The following PBX3 variants were observed in gnomAD, a reference collection of about 807,000 sequenced individuals.
The protein encoded by PBX3 is pre-B-cell leukemia transcription factor 3.
Under a neutral mutation model 48.5 loss-of-function variants are expected in PBX3, and 14 were observed. That is an observed-to-expected ratio of 0.29 (90% CI 0.19 to 0.45). PBX3 has a LOEUF of 0.45. PBX3 is among the 20% of genes least tolerant of loss of function. The pLI is 1.00. For missense variants in PBX3, 386 were observed against 546.7 expected (o/e 0.71, Z 2.93); for synonymous variants, 210 against 200.3 (o/e 1.05, Z -0.41).
chr9:125,921,767 G>A (rs60529395), intron 3 of PBX3, among the ~76,000 whole-genome samples: 6,125 of 152,136 alleles, frequency 0.04, 436 homozygotes, highest in African/African-American at 0.14. Context: ...TACCGTATTC[G>A]ACTAGAGTTA....
At chr9:125,890,744 G>T (rs932265878) in intron 2 of PBX3, among the ~76,000 whole-genome samples, 3 of 152,190 alleles carry the variant, frequency 2.0e-5, no homozygotes, top group Admixed American at 6.5e-5. Context: ...GAGTAGAATT[G>T]TATGTTTGCA....
At chr9:125,750,134 T>C (rs532393760) in intron 2 of PBX3, among the ~76,000 whole-genome samples, 1 of 152,368 alleles carries the variant, frequency 6.6e-6, no homozygotes, top group East Asian at 1.9e-4. Flanking sequence ...TAAATTCTGA[T>C]GCTTAGTGTC....
At chr9:125,785,219 A>T (rs575287061) in intron 2 of PBX3, among the ~76,000 whole-genome samples, 4 of 152,296 alleles carry the variant, frequency 2.6e-5, no homozygotes, top group African/African-American at 9.6e-5. Flanking sequence ...AAGGATGCCT[A>T]GATAGCTGGT....
chr9:125,759,578 A>G lies in PBX3; in HGVS notation c.274+10955A>G, dbSNP rs1836609978. 6.6e-6 allele frequency among the ~76,000 whole-genome samples: 1 copy of G among 152,222 alleles called. No homozygotes were observed. Among genetic ancestry groups the G allele is most frequent in the African/African-American group, 2.4e-5 (1 of 41,452 alleles). The stretch of plus-strand genomic sequence containing the variant: ...CTAATTGTTGATTTGGGGATTTTCT[A>G]TGAATATAGCTTCACAAAACAGATG... On this transcript the variant is annotated intron_variant, in intron 2 of 8. Transcript: ENST00000373489. This position sits in a 1 kb window ranked among gnomAD's most constrained non-coding sequence, Gnocchi z 4.2.
intron 2 of PBX3, among the ~76,000 whole-genome samples, chr9:125,816,683 T>C (rs771809532): frequency 1.3e-5 from 2 of 152,202 alleles, no homozygotes; most frequent in Non-Finnish European, 1.5e-5. Context: ...CTTTATATTA[T>C]ACTCTTTTGA....
chr9:125,837,284 A>ATTCC (rs1488095560), intron 2 of PBX3, among the ~76,000 whole-genome samples: 1 of 151,896 alleles, frequency 6.6e-6, no homozygotes, highest in Non-Finnish European at 1.5e-5. Context: ...GATGGTACAT[A>ATTCC]TATGTATTAT....
intron 2 of PBX3, among the ~76,000 whole-genome samples, chr9:125,826,164 A>G (rs555562402): frequency 1.8e-4 from 27 of 152,312 alleles, no homozygotes; most frequent in African/African-American, 6.5e-4. Context: ...TTTATTTACC[A>G]CAATCTTACC....
At chr9:125,929,624 C>A in intron 3 of PBX3, 31 bp from the exon 4 acceptor site, 1 of 1,521,690 alleles carries the variant, frequency 6.6e-7, no homozygotes. Flanking sequence ...TAGATAGTTT[C>A]CAAAGGAGTG....
At chr9:125,793,609 T>C (rs538879761) in intron 2 of PBX3, among the ~76,000 whole-genome samples, 2 of 151,608 alleles carry the variant, frequency 1.3e-5, no homozygotes, top group South Asian at 4.1e-4. Flanking sequence ...TTCATACTTT[T>C]AGTAGAGACG....
At chr9:125,775,795 C>T (rs1450876162) in intron 2 of PBX3, among the ~76,000 whole-genome samples, 1 of 152,136 alleles carries the variant, frequency 6.6e-6, no homozygotes, top group Non-Finnish European at 1.5e-5. Flanking sequence ...ATAGGAGTTG[C>T]ATTGAATTTG....
At chr9:125,816,528 A>G (rs1401835668) in intron 2 of PBX3, among the ~76,000 whole-genome samples, 1 of 152,208 alleles carries the variant, frequency 6.6e-6, no homozygotes, top group African/African-American at 2.4e-5. Context: ...TTTAGGTGGA[A>G]TGTATATTAC....
chr9:125,782,288 A>G (rs1371211980), intron 2 of PBX3, among the ~76,000 whole-genome samples: 1 of 152,146 alleles, frequency 6.6e-6, no homozygotes, highest in Non-Finnish European at 1.5e-5. Flanking sequence ...CTTGTTAACT[A>G]TCATGAGACC....
At chr9:125,875,520 G>A (rs150235522) in intron 2 of PBX3, among the ~76,000 whole-genome samples, 2 of 152,198 alleles carry the variant, frequency 1.3e-5, no homozygotes, top group East Asian at 3.9e-4. Context: ...GGAAGGGAAG[G>A]ACGTTCTACT....
At chr9:125,807,367 A>C (rs1306429570) in intron 2 of PBX3, among the ~76,000 whole-genome samples, 1 of 151,988 alleles carries the variant, frequency 6.6e-6, no homozygotes, top group Non-Finnish European at 1.5e-5. Context: ...TAACAGAAGG[A>C]GTGGTACAAC....
intron 2 of PBX3, among the ~76,000 whole-genome samples, chr9:125,778,550 C>T (rs977399895): frequency 6.6e-6 from 1 of 152,004 alleles, no homozygotes; most frequent in Admixed American, 6.5e-5. Flanking sequence ...AGCCACTGCG[C>T]CCGGCCTTTT....
At chr9:125,807,622 G>A (rs979019835) in intron 2 of PBX3, among the ~76,000 whole-genome samples, 2 of 152,094 alleles carry the variant, frequency 1.3e-5, no homozygotes, top group African/African-American at 4.8e-5. Context: ...ACCTCATAGG[G>A]CTGTTGAGTA....
At chr9:125,870,226 G>C (rs1840087621) in intron 2 of PBX3, among the ~76,000 whole-genome samples, 1 of 151,970 alleles carries the variant, frequency 6.6e-6, no homozygotes, top group South Asian at 2.1e-4. Context: ...GCGCCATCAT[G>C]CCTGGCTAAT....
At chr9:125,920,193 A>G (rs1055868893) in intron 3 of PBX3, among the ~76,000 whole-genome samples, 2 of 152,250 alleles carry the variant, frequency 1.3e-5, no homozygotes, top group Admixed American at 1.3e-4. Flanking sequence ...ACTGTCTTAT[A>G]GTACTTCGTC....
intron 3 of PBX3, among the ~76,000 whole-genome samples, chr9:125,918,323 T>A (rs1334048195): frequency 6.6e-6 from 1 of 152,194 alleles, no homozygotes; most frequent in African/African-American, 2.4e-5. Context: ...TCCATGAGAT[T>A]TTATGTAACT....
Sources: allele counts gnomAD v4.1 joint callset (sites outside exome capture counted in the v4.1 genomes callset), GRCh38; gene constraint gnomAD v4.1.1; non-coding constraint Gnocchi (gnomAD v3.1); transcripts MANE v1.5; gene names NCBI Gene and HGNC (gene_info 2026-07-23, HGNC 2026-07-21).